The following LPAR3 variants were observed in gnomAD, a reference collection of about 807,000 sequenced individuals.
The protein encoded by LPAR3 is lysophosphatidic acid receptor 3, also known as LPA receptor 3.
Under a neutral mutation model 17.8 loss-of-function variants are expected in LPAR3, and 7 were observed. That is an observed-to-expected ratio of 0.39 (90% CI 0.22 to 0.74). LPAR3 has a LOEUF of 0.74. Among genes scored for constraint, LPAR3 ranks in the 30% least tolerant of loss-of-function variants. The pLI, the probability that LPAR3 is intolerant of heterozygous loss-of-function variation, is 0.40. For missense variants in LPAR3, 391 were observed against 453.4 expected (o/e 0.86, Z 1.25); for synonymous variants, 179 against 179.9 (o/e 0.99, Z 0.04).
intron 2 of LPAR3, among the ~76,000 whole-genome samples, chr1:84,842,973 G>C (rs1474309719): frequency 6.6e-6 from 1 of 152,194 alleles, no homozygotes; most frequent in Non-Finnish European, 1.5e-5. Context: ...TTCAGTCCCT[G>C]TAAGCATTCC....
intron 1 of LPAR3, among the ~76,000 whole-genome samples, chr1:84,867,022 A>G (rs1660064915): frequency 6.6e-6 from 1 of 152,204 alleles, no homozygotes; most frequent in Admixed American, 6.5e-5. Flanking sequence ...TGGATGTGAG[A>G]ACATATCTAT....
At chr1:84,855,055 G>A (rs868007146) in intron 2 of LPAR3, among the ~76,000 whole-genome samples, 4 of 152,148 alleles carry the variant, frequency 2.6e-5, no homozygotes, top group Admixed American at 6.5e-5. Flanking sequence ...CAGTGCAGGA[G>A]GGAAGATGAC....
chr1:84,833,707 G>GTT (rs781263266), intron 2 of LPAR3, among the ~76,000 whole-genome samples: 1 of 152,150 alleles, frequency 6.6e-6, no homozygotes, highest in Non-Finnish European at 1.5e-5. Context: ...TAGCCCACCT[G>GTT]TACCTCATTA....
At chr1:84,861,845 T>C (rs1018966453) in intron 2 of LPAR3, among the ~76,000 whole-genome samples, 4 of 152,196 alleles carry the variant, frequency 2.6e-5, no homozygotes, top group African/African-American at 9.7e-5. Context: ...TTATCCTACT[T>C]GGAAATTTAA....
chr1:84,881,322 C>T (rs1660361363), intron 1 of LPAR3, among the ~76,000 whole-genome samples: 1 of 152,144 alleles, frequency 6.6e-6, no homozygotes. Flanking sequence ...TGGCACACTG[C>T]TGATCTGGCC....
intron 2 of LPAR3, among the ~76,000 whole-genome samples, chr1:84,831,689 T>C (rs1659286084): frequency 1.3e-5 from 2 of 151,822 alleles, no homozygotes; most frequent in Non-Finnish European, 2.9e-5. Flanking sequence ...ATATATCTGA[T>C]GTATCCAAAT....
chr1:84,871,414 T>C (rs1660157040), intron 1 of LPAR3, among the ~76,000 whole-genome samples: 1 of 152,264 alleles, frequency 6.6e-6, no homozygotes, highest in South Asian at 2.1e-4. Context: ...GCAGCTTTTA[T>C]TTCTAGCTAC....
intron 2 of LPAR3, among the ~76,000 whole-genome samples, chr1:84,846,547 T>A (rs1439775997): frequency 6.6e-6 from 1 of 152,146 alleles, no homozygotes; most frequent in Non-Finnish European, 1.5e-5. Flanking sequence ...CTCTAAAATA[T>A]TTTTGGGCAA....
intron 1 of LPAR3, among the ~76,000 whole-genome samples, chr1:84,886,280 A>G (rs908729150): frequency 1.3e-5 from 2 of 152,186 alleles, no homozygotes; most frequent in Non-Finnish European, 2.9e-5. Flanking sequence ...TAATCCCAGC[A>G]CCTGGGATGC....
chr1:84,817,066 A>T (rs1658946465), intron 2 of LPAR3, among the ~76,000 whole-genome samples: 1 of 152,066 alleles, frequency 6.6e-6, no homozygotes, highest in Non-Finnish European at 1.5e-5. Context: ...ACTCATTCAT[A>T]TTTGTTAATG....
Position 84,811,872 on chromosome 1 carries a change from T to C in LPAR3, c.*1974A>G, listed in dbSNP as rs1045282009. On this transcript the variant is annotated 3_prime_UTR_variant, in exon 3 of 3. Coordinates refer to ENST00000370611, the MANE Select transcript of LPAR3 (RefSeq NM_012152.3). ...ACCTTGAAGTTATTCTCATTTTAAA[T>C]CAGAATACACTCTAAATGTTTTACA... is the stretch of plus-strand genomic sequence containing the variant. 6.6e-6 allele frequency: 1 copy of C among 152,180 alleles called. No homozygotes were observed. The highest frequency in any genetic ancestry group is 1.5e-5 in the Non-Finnish European group (1 of 68,020). 9.4% of individuals were successfully genotyped at this position (152,180 alleles called of 1,614,324 possible). A position where few individuals can be genotyped will look rare whatever the true frequency, so the allele number is the denominator to read the frequency against.
chr1:84,847,617 CCTGGGTGT>C (rs1286996924), intron 2 of LPAR3, among the ~76,000 whole-genome samples: 2 of 152,158 alleles, frequency 1.3e-5, no homozygotes, highest in African/African-American at 4.8e-5. Flanking sequence ...CTGATTGGGA[CCTGGGTGT>C]CTGTTTTATA....
intron 1 of LPAR3, among the ~76,000 whole-genome samples, chr1:84,887,407 A>G (rs1660481981): frequency 6.6e-6 from 1 of 151,998 alleles, no homozygotes; most frequent in Admixed American, 6.6e-5. Context: ...CCATTTGGCA[A>G]CATTCATAGA....
At chr1:84,846,032 G>A (rs1659589802) in intron 2 of LPAR3, among the ~76,000 whole-genome samples, 1 of 152,090 alleles carries the variant, frequency 6.6e-6, no homozygotes, top group Admixed American at 6.6e-5. Flanking sequence ...AGGTGGGTAG[G>A]CTCCAATTCC....
At chr1:84,875,146 T>C (rs1660232229) in intron 1 of LPAR3, among the ~76,000 whole-genome samples, 1 of 152,148 alleles carries the variant, frequency 6.6e-6, no homozygotes. Flanking sequence ...ATGATCCGCC[T>C]GTGTTGGTCT....
intron 2 of LPAR3, among the ~76,000 whole-genome samples, chr1:84,845,041 A>G (rs957010232): frequency 1.3e-5 from 2 of 152,200 alleles, no homozygotes; most frequent in Non-Finnish European, 1.5e-5. Flanking sequence ...GCACTTCAAT[A>G]TTTATAAAAC....
At chr1:84,889,104 A>G (rs983417814) in intron 1 of LPAR3, among the ~76,000 whole-genome samples, 1 of 152,024 alleles carries the variant, frequency 6.6e-6, no homozygotes, top group Non-Finnish European at 1.5e-5. Context: ...CAGCCAAGGA[A>G]GAGGAATAAA....
At chr1:84,873,338 G>A (rs909824594) in intron 1 of LPAR3, among the ~76,000 whole-genome samples, 9 of 152,226 alleles carry the variant, frequency 5.9e-5, no homozygotes, top group South Asian at 2.1e-4. Flanking sequence ...TGTACTATCC[G>A]TTCAATTTTT....
At chr1:84,873,718 G>C (rs1660201795) in intron 1 of LPAR3, among the ~76,000 whole-genome samples, 1 of 151,160 alleles carries the variant, frequency 6.6e-6, no homozygotes, top group Non-Finnish European at 1.5e-5. Flanking sequence ...TGGTTACTCT[G>C]CTTCTTTTGA....
Sources: allele counts gnomAD v4.1 joint callset (sites outside exome capture counted in the v4.1 genomes callset), GRCh38; gene constraint gnomAD v4.1.1; transcripts MANE v1.5; gene names NCBI Gene and HGNC (gene_info 2026-07-23, HGNC 2026-07-21).